Variants in CFTR observed in about 807,000 individuals in gnomAD.
The protein encoded by CFTR is CF transmembrane conductance regulator.
In CFTR, 181 loss-of-function variants were observed where a neutral mutation model predicts 171.6. The observed-to-expected ratio is 1.05, with a 90% CI of 0.93 to 1.19. The LOEUF is 1.19. CFTR is among the 50% of genes most tolerant of loss of function. CFTR has a pLI of 0.00. For synonymous variants in CFTR, 583 were observed against 608.0 expected, an observed-to-expected ratio of 0.96 and a Z score of 0.60; for missense variants, 1,968 against 1,734.7, an observed-to-expected ratio of 1.13 and a Z score of -2.39.
At chr7:117,530,328 T>C (rs760399789) in intron 3 of CFTR, among the ~76,000 whole-genome samples, 2 of 152,204 alleles carry the variant, frequency 1.3e-5, no homozygotes, top group South Asian at 4.1e-4. Flanking sequence ...TTCCCAGCTC[T>C]GCTTTGTGTA....
intron 1 of CFTR, among the ~76,000 whole-genome samples, chr7:117,497,537 G>A (rs35087944): frequency 1.1e-3 from 166 of 152,246 alleles, no homozygotes; most frequent in African/African-American, 3.8e-3. Context: ...TTTCCAAGGC[G>A]ATATCACTGG....
In CFTR at chr7:117,514,171, A is replaced by ATT. The variant is rs11430349; in HGVS notation, c.273+5038_273+5039dup. On this transcript the variant is annotated intron_variant, in intron 3 of 26. Coordinates refer to ENST00000003084, the MANE Select transcript of CFTR (RefSeq NM_000492.4). ...TCCATAGGAAGAACTGTTTAGTTTA[A>ATT]TTTTTTTTTTATTTTTTCTTCTAAA... Among the ~76,000 whole-genome samples, 7 of 150,522 alleles carry ATT rather than the reference A, an allele frequency of 4.7e-5. No homozygotes were observed. In the East Asian group the frequency reaches 7.8e-4, roughly 17 times the overall value.
Position 117,540,180 on chromosome 7 carries a change from T to A in CFTR, c.950T>A (p.Val317Glu), listed in dbSNP as rs1204521684. The change falls in exon 8 of 27, where the codon GTG becomes GAG. Residue 317 changes from valine to glutamate, a missense_variant. Val to Glu is a moderately radical substitution (Grantham distance 121, BLOSUM62 -2). Coordinates refer to ENST00000003084, the MANE Select transcript of CFTR (RefSeq NM_000492.4). ...GCCTTCTTCTTCTCAGGGTTCTTTG[T>A]GGTGTTTTTATCTGTGCTTCCCTAT... Reference protein sequence around the residue: ...SSAFFFSGFFVVFLSVLPYAL... With the variant: ...SSAFFFSGFFEVFLSVLPYAL... 6.2e-7 allele frequency: 1 copy of A among 1,614,116 alleles called. No homozygotes were observed. Among genetic ancestry groups the A allele is most frequent in the South Asian group, 1.1e-5 (1 of 91,086 alleles).
chr7:117,573,523 A>G (rs918983743), intron 11 of CFTR, among the ~76,000 whole-genome samples: 15 of 152,138 alleles, frequency 9.9e-5, no homozygotes, highest in Non-Finnish European at 1.6e-4. Flanking sequence ...CACAGGTCAA[A>G]ATGCAGATAG....
intron 24 of CFTR, among the ~76,000 whole-genome samples, chr7:117,659,598 G>A (rs1485024759): frequency 1.3e-5 from 2 of 152,204 alleles, no homozygotes; most frequent in South Asian, 4.1e-4. Flanking sequence ...AGATGCAGGA[G>A]CAGAGCTGCA....
rs121908771 is a variant in CFTR, at chr7:117,534,315, AT to A, written c.531del (p.Ile177MetfsTer12). 3 of 1,605,436 alleles carry A rather than the reference AT, an allele frequency of 1.9e-6. No individual in the cohort carries two copies. Among genetic ancestry groups the A allele is most frequent in the Admixed American group, 3.3e-5 (2 of 59,992 alleles). The stretch of plus-strand genomic sequence containing the variant: ...AAGCCGTGTTCTAGATAAAATAAGT[AT>A]TGGACAACTTGTTAGTCTCCTTTCC... ...LSSRVLDKIS[I>X]GQLVSLLSNN... On this transcript the variant is annotated frameshift_variant, in exon 5 of 27. Transcript: ENST00000003084. LOFTEE classifies it high-confidence loss of function.
chr7:117,509,219 T>C (rs1277395711), intron 3 of CFTR, 77 bp downstream of exon 3: 3 of 897,026 alleles, frequency 3.3e-6, no homozygotes, highest in Non-Finnish European at 5.6e-6. Context: ...GACTACGAAA[T>C]CTGGTGAATA....
chr7:117,590,543 C>A, intron 13 of CFTR, 104 bp downstream of exon 13: 1 of 1,377,538 alleles, frequency 7.3e-7, no homozygotes, highest in Non-Finnish European at 9.9e-7. Flanking sequence ...ATATGTTCAC[C>A]ATTGTTGGTA....
chr7:117,565,620 T>C (rs1791589154), intron 11 of CFTR, among the ~76,000 whole-genome samples: 1 of 152,186 alleles, frequency 6.6e-6, no homozygotes, highest in Non-Finnish European at 1.5e-5. Context: ...TGTGATACTT[T>C]TGGAACCACG....
chr7:117,610,368 C>G, intron 18 of CFTR, 151 bp from the exon 19 acceptor site: 1 of 634,868 alleles, frequency 1.6e-6, no homozygotes, highest in Non-Finnish European at 2.6e-6. Flanking sequence ...CACATGTACC[C>G]TAAAACTTAA....
intron 9 of CFTR, among the ~76,000 whole-genome samples, chr7:117,545,804 T>C (rs1799136377): frequency 1.3e-5 from 2 of 151,924 alleles, no homozygotes; most frequent in Non-Finnish European, 2.9e-5. Context: ...ACTTATTTTT[T>C]TTTTTAATCA....
At chr7:117,570,389 G>A (rs1190001137) in intron 11 of CFTR, among the ~76,000 whole-genome samples, 1 of 152,094 alleles carries the variant, frequency 6.6e-6, no homozygotes, top group Non-Finnish European at 1.5e-5. Flanking sequence ...GAAAGGGCCT[G>A]GAAGGAAAGG....
At chr7:117,520,900 A>T (rs1798674928) in intron 3 of CFTR, among the ~76,000 whole-genome samples, 1 of 151,990 alleles carries the variant, frequency 6.6e-6, no homozygotes, top group African/African-American at 2.4e-5. Context: ...TTCCAAAAAA[A>T]TCTTTAAATG....
chr7:117,498,660 C>T (rs1798275301), intron 1 of CFTR, among the ~76,000 whole-genome samples: 1 of 152,126 alleles, frequency 6.6e-6, no homozygotes, highest in Non-Finnish European at 1.5e-5. Context: ...CTTATAGACA[C>T]TAGATGAGTT....
chr7:117,610,690 T>C, intron 19 of CFTR, 21 bp downstream of exon 19: 3 of 1,612,624 alleles, frequency 1.9e-6, no homozygotes, highest in Middle Eastern at 1.7e-4. Context: ...GAATGTGCGA[T>C]ACTCATCTTG....
chr7:117,536,182 T>G (rs1285889604), intron 6 of CFTR, among the ~76,000 whole-genome samples: 1 of 152,180 alleles, frequency 6.6e-6, no homozygotes, highest in Non-Finnish European at 1.5e-5. Flanking sequence ...AGTATCTAAG[T>G]TTTGGAGTCA....
At chr7:117,591,013 T>C (rs1013256365) in intron 13 of CFTR, among the ~76,000 whole-genome samples, 1 of 152,060 alleles carries the variant, frequency 6.6e-6, no homozygotes, top group Non-Finnish European at 1.5e-5. Context: ...TGGCTTGATT[T>C]CAAAGTTTCA....
chr7:117,642,631 A>G, intron 23 of CFTR, 38 bp downstream of exon 23: 1 of 1,604,452 alleles, frequency 6.2e-7, no homozygotes. Flanking sequence ...AGGCAACTAA[A>G]TTATATTTTT....
At chr7:117,538,254 C>T (rs1195950152) in intron 7 of CFTR, among the ~76,000 whole-genome samples, 1 of 152,144 alleles carries the variant, frequency 6.6e-6, no homozygotes, top group East Asian at 1.9e-4. Flanking sequence ...TTACTTCAGC[C>T]TGGGCCACTG....
Sources: gnomAD v4.1 joint callset for allele counts (sites outside exome capture counted in the v4.1 genomes callset) on GRCh38, gnomAD v4.1.1 for gene constraint, MANE v1.5 for transcripts, NCBI Gene and HGNC (gene_info 2026-07-23, HGNC 2026-07-21) for gene names.